Variants in CDK14 observed in about 807,000 individuals in gnomAD.
CDK14 encodes the protein cyclin dependent kinase 14.
In CDK14, 34 loss-of-function variants were observed where a neutral mutation model predicts 60.7. The ratio of observed to expected loss-of-function variants is 0.56; its 90% confidence interval spans 0.43 to 0.75. The LOEUF (loss-of-function observed/expected upper bound fraction) is 0.75. CDK14 is among the 30% of genes least tolerant of loss of function. The pLI, the probability that CDK14 is intolerant of heterozygous loss-of-function variation, is 0.00. For missense variants in CDK14, 482 were observed against 564.1 expected (o/e 0.85, Z 1.47); for synonymous variants, 197 against 203.7 (o/e 0.97, Z 0.28).
At chr7:91,135,536 A>G (rs1800254371) in intron 14 of CDK14, among the ~76,000 whole-genome samples, 2 of 152,148 alleles carry the variant, frequency 1.3e-5, no homozygotes, top group East Asian at 1.9e-4. Context: ...GGAGCCATGT[A>G]TAGCATTTGC....
intron 10 of CDK14, among the ~76,000 whole-genome samples, chr7:91,035,867 C>T (rs1202230679): frequency 2.9e-4 from 33 of 115,214 alleles, no homozygotes; most frequent in South Asian, 6.1e-4. Context: ...GACGGAGTCT[C>T]GCTCTGTCGC....
chr7:91,014,835 C>T (rs745426911), intron 10 of CDK14, among the ~76,000 whole-genome samples: 9 of 152,112 alleles, frequency 5.9e-5, no homozygotes, highest in Non-Finnish European at 1.3e-4. Context: ...CTGTATGGAC[C>T]GACCATTTCT....
chr7:90,684,624 T>C (rs1323196458), intron 2 of CDK14, among the ~76,000 whole-genome samples: 1 of 152,198 alleles, frequency 6.6e-6, no homozygotes, highest in Non-Finnish European at 1.5e-5. Context: ...CCACCCTCCA[T>C]ATAGGTAAAC....
intron 4 of CDK14, among the ~76,000 whole-genome samples, chr7:90,782,000 C>T (rs1294202248): frequency 1.3e-5 from 2 of 152,084 alleles, no homozygotes; most frequent in African/African-American, 4.8e-5. Flanking sequence ...CTATAAATTA[C>T]CTTGGGCAGT....
At chr7:91,195,484 T>A (rs1802507266) in intron 14 of CDK14, among the ~76,000 whole-genome samples, 1 of 152,218 alleles carries the variant, frequency 6.6e-6, no homozygotes, top group Non-Finnish European at 1.5e-5. Flanking sequence ...TATGAAAATG[T>A]CCAAATTATC....
intron 13 of CDK14, among the ~76,000 whole-genome samples, chr7:91,116,844 T>G (rs963851600): frequency 3.3e-5 from 5 of 151,966 alleles, no homozygotes; most frequent in Non-Finnish European, 5.9e-5. Flanking sequence ...TAAAGTCTCC[T>G]GTTCACACTC....
chr7:90,806,084 C>G (rs1328829495), intron 5 of CDK14, among the ~76,000 whole-genome samples: 1 of 152,000 alleles, frequency 6.6e-6, no homozygotes, highest in Non-Finnish European at 1.5e-5. Flanking sequence ...ATTGGATATT[C>G]AAATGCAAAA....
At chr7:91,086,422 G>A (rs1798641760) in intron 12 of CDK14, among the ~76,000 whole-genome samples, 1 of 151,968 alleles carries the variant, frequency 6.6e-6, no homozygotes, top group Admixed American at 6.6e-5. Context: ...TCTCTTTTCT[G>A]TTGGGAACTG....
intron 4 of CDK14, among the ~76,000 whole-genome samples, chr7:90,757,623 G>T (rs1804135959): frequency 1.3e-5 from 2 of 151,194 alleles, no homozygotes; most frequent in Admixed American, 1.3e-4. Flanking sequence ...TTGAGACAGG[G>T]TCTCACTCTG....
chr7:90,629,007 A>G (rs1300037344), intron 2 of CDK14, among the ~76,000 whole-genome samples: 1 of 152,146 alleles, frequency 6.6e-6, no homozygotes, highest in African/African-American at 2.4e-5. Flanking sequence ...GTCTTATACC[A>G]GCCTGCAGCA....
At chr7:91,186,564 A>G (rs1802200194) in intron 14 of CDK14, among the ~76,000 whole-genome samples, 1 of 151,954 alleles carries the variant, frequency 6.6e-6, no homozygotes, top group Non-Finnish European at 1.5e-5. Flanking sequence ...TACAAATTAC[A>G]AAAGCTTTGT....
chr7:91,172,110 G>A (rs1394795965), intron 14 of CDK14, among the ~76,000 whole-genome samples: 1 of 152,194 alleles, frequency 6.6e-6, no homozygotes, highest in African/African-American at 2.4e-5. Context: ...TTGGGTTTAT[G>A]AGGTTAAATG....
chr7:91,017,781 C>A (rs1472216966), intron 10 of CDK14, among the ~76,000 whole-genome samples: 1 of 152,152 alleles, frequency 6.6e-6, no homozygotes, highest in Non-Finnish European at 1.5e-5. Flanking sequence ...TGCTTTTGTT[C>A]TCTGAGTAGG....
At chr7:91,008,359 T>C (rs1014602467) in intron 10 of CDK14, among the ~76,000 whole-genome samples, 1 of 152,128 alleles carries the variant, frequency 6.6e-6, no homozygotes, top group East Asian at 1.9e-4. Context: ...AACAGCTACC[T>C]GAACAAGCAG....
intron 5 of CDK14, among the ~76,000 whole-genome samples, chr7:90,834,820 G>T (rs1790037015): frequency 6.6e-6 from 1 of 152,174 alleles, no homozygotes; most frequent in South Asian, 2.1e-4. Flanking sequence ...GGAAATCAAG[G>T]ATTCTTTGAA....
chr7:90,834,313 C>T (rs1046414966), intron 5 of CDK14, among the ~76,000 whole-genome samples: 3 of 152,094 alleles, frequency 2.0e-5, no homozygotes, highest in African/African-American at 4.8e-5. Context: ...CCATGATTAT[C>T]AAATACATTT....
intron 7 of CDK14, 91 bp from the exon 8 acceptor site, chr7:90,917,510 C>T: frequency 1.6e-6 from 2 of 1,261,554 alleles, no homozygotes; most frequent in Non-Finnish European, 2.2e-6. Flanking sequence ...CCCATTTTCC[C>T]TAAATATTAA....
At chr7:91,044,880 A>G (rs1031806546) in intron 10 of CDK14, among the ~76,000 whole-genome samples, 2 of 152,172 alleles carry the variant, frequency 1.3e-5, no homozygotes, top group Non-Finnish European at 2.9e-5. Flanking sequence ...CCTGATCCGA[A>G]CAGACCCAGT....
chr7:90,984,977 C>G (rs772410020), intron 10 of CDK14, among the ~76,000 whole-genome samples: 1 of 152,040 alleles, frequency 6.6e-6, no homozygotes, highest in Non-Finnish European at 1.5e-5. Context: ...TATGTGGTCT[C>G]CTGGATGAAA....
Sources: allele counts gnomAD v4.1 joint callset (sites outside exome capture counted in the v4.1 genomes callset), GRCh38; gene constraint gnomAD v4.1.1; transcripts MANE v1.5; gene names NCBI Gene and HGNC (gene_info 2026-07-23, HGNC 2026-07-21).